The following CCDC3 variants were observed in gnomAD, a reference collection of about 807,000 sequenced individuals.
CCDC3 encodes coiled-coil domain containing 3, also known as coiled-coil domain-containing protein 3.
In CCDC3, 24 loss-of-function variants were observed where a neutral mutation model predicts 21.4. That is an observed-to-expected ratio of 1.12 (90% CI 0.81 to 1.58). The LOEUF (loss-of-function observed/expected upper bound fraction) is 1.58. CCDC3 is among the 40% of genes most tolerant of loss of function. The pLI, the probability that CCDC3 is intolerant of heterozygous loss-of-function variation, is 0.00. For missense variants in CCDC3, 425 were observed against 360.9 expected (o/e 1.18, Z -1.44); for synonymous variants, 186 against 166.0 (o/e 1.12, Z -0.93).
chr10:12,919,584 T>A (rs1238455401), intron 2 of CCDC3, among the ~76,000 whole-genome samples: 1 of 48,990 alleles, frequency 2.0e-5, no homozygotes, highest in Non-Finnish European at 4.1e-5. Context: ...AGCAAGACTG[T>A]CTAAAAAAAA....
At chr10:12,995,653 A>C (rs1262189016) in intron 2 of CCDC3, among the ~76,000 whole-genome samples, 1 of 152,180 alleles carries the variant, frequency 6.6e-6, no homozygotes. Context: ...AGATTGAACT[A>C]AATTCTGCTC....
chr10:12,918,823 G>A (rs1480866711), intron 2 of CCDC3, among the ~76,000 whole-genome samples: 1 of 152,132 alleles, frequency 6.6e-6, no homozygotes, highest in Non-Finnish European at 1.5e-5. Flanking sequence ...GGAGGCCGAG[G>A]CAGGTGGATC....
At chr10:12,986,777 A>C (rs1468251917) in intron 2 of CCDC3, among the ~76,000 whole-genome samples, 2 of 84,610 alleles carry the variant, frequency 2.4e-5, no homozygotes, top group African/African-American at 6.0e-5. Flanking sequence ...CGTCTCAAAA[A>C]AAAAAAACAA....
intron 3 of CCDC3, among the ~76,000 whole-genome samples, chr10:13,082,955 C>A (rs1588419634): frequency 6.6e-6 from 1 of 152,090 alleles, no homozygotes; most frequent in South Asian, 2.1e-4. Context: ...TATGTGTTTT[C>A]TTTATTATAC....
chr10:13,055,118 G>C (rs117249324), intron 4 of CCDC3, among the ~76,000 whole-genome samples: 1 of 152,210 alleles, frequency 6.6e-6, no homozygotes, highest in Non-Finnish European at 1.5e-5. Context: ...TTAATGCCAA[G>C]CAGGTGGTGC....
At chr10:12,963,711 C>A (rs1835215020) in intron 2 of CCDC3, among the ~76,000 whole-genome samples, 1 of 151,308 alleles carries the variant, frequency 6.6e-6, no homozygotes, top group Non-Finnish European at 1.5e-5. Context: ...TCCCATGTAA[C>A]TGGGAATACA....
At chr10:12,990,421 A>T (rs1225632847) in intron 2 of CCDC3, among the ~76,000 whole-genome samples, 1 of 152,234 alleles carries the variant, frequency 6.6e-6, no homozygotes, top group Non-Finnish European at 1.5e-5. Flanking sequence ...TCAAGTTCTG[A>T]GATGAACTAT....
At chr10:13,031,459 T>C (rs1836299658) in intron 5 of CCDC3, among the ~76,000 whole-genome samples, 1 of 152,026 alleles carries the variant, frequency 6.6e-6, no homozygotes. Flanking sequence ...AGCAAATACA[T>C]TCAAAAGCTA....
intron 2 of CCDC3, among the ~76,000 whole-genome samples, chr10:12,929,817 GA>G (rs956478444): frequency 6.6e-6 from 1 of 152,146 alleles, no homozygotes; most frequent in Admixed American, 6.5e-5. Context: ...GGGGCGGGGG[GA>G]TGATCAAACA....
chr10:12,913,023 G>A (rs754036653), intron 2 of CCDC3, among the ~76,000 whole-genome samples: 15 of 152,170 alleles, frequency 9.9e-5, no homozygotes, highest in Non-Finnish European at 1.6e-4. Flanking sequence ...AGTATATTTT[G>A]AAATCAGGTA....
At chr10:13,044,802 CT>C (rs1226353946) in intron 5 of CCDC3, among the ~76,000 whole-genome samples, 2 of 151,902 alleles carry the variant, frequency 1.3e-5, no homozygotes, top group Non-Finnish European at 2.9e-5. Flanking sequence ...TTTAGAGTAG[CT>C]TTTTTTTCTA....
intron 2 of CCDC3, among the ~76,000 whole-genome samples, chr10:12,986,436 T>G (rs893360472): frequency 2.6e-5 from 4 of 152,198 alleles, no homozygotes; most frequent in Admixed American, 2.6e-4. Context: ...TGCAACTGCC[T>G]GTGAATCTAA....
chr10:13,097,083 G>A (rs1832636521), intron 3 of CCDC3, among the ~76,000 whole-genome samples: 1 of 152,218 alleles, frequency 6.6e-6, no homozygotes, highest in Non-Finnish European at 1.5e-5. Context: ...GGAGATTGGG[G>A]TGGAAAGGGA....
chr10:12,960,355 T>C (rs1445883068), intron 2 of CCDC3, among the ~76,000 whole-genome samples: 4 of 152,114 alleles, frequency 2.6e-5, no homozygotes, highest in African/African-American at 9.7e-5. Flanking sequence ...TTGGGAGAGA[T>C]GGGGAGAAAA....
intron 3 of CCDC3, among the ~76,000 whole-genome samples, chr10:13,096,462 G>A (rs989281509): frequency 9.9e-5 from 15 of 152,090 alleles, no homozygotes; most frequent in African/African-American, 2.9e-4. Flanking sequence ...GTGAGCCACC[G>A]CCCTGGGCCT....
At chr10:13,048,266 A>C (rs1042978314) in intron 5 of CCDC3, among the ~76,000 whole-genome samples, 9 of 151,968 alleles carry the variant, frequency 5.9e-5, no homozygotes, top group African/African-American at 1.5e-4. Context: ...ATCTCAGCTC[A>C]CTGCAGCCTC....
intron 2 of CCDC3, among the ~76,000 whole-genome samples, chr10:12,912,925 G>A (rs1437392932): frequency 3.3e-5 from 5 of 152,138 alleles, no homozygotes; most frequent in Non-Finnish European, 7.4e-5. Flanking sequence ...CATACACATG[G>A]ATTTATTTCT....
At chr10:13,019,257 G>GAAAT (rs1302826448) in intron 5 of CCDC3, among the ~76,000 whole-genome samples, 4 of 152,054 alleles carry the variant, frequency 2.6e-5, no homozygotes, top group Admixed American at 2.6e-4. Flanking sequence ...AAGAAAGAAA[G>GAAAT]AAAAATGAAT....
chr10:13,054,164 A>AAAAAAAAG (rs1219544848), intron 4 of CCDC3, among the ~76,000 whole-genome samples: 13 of 151,466 alleles, frequency 8.6e-5, no homozygotes, highest in African/African-American at 3.1e-4. Context: ...CAAAAAAAAA[A>AAAAAAAAG]AAAAAAAAAG....
Sources: allele counts gnomAD v4.1 joint callset (sites outside exome capture counted in the v4.1 genomes callset), GRCh38; gene constraint gnomAD v4.1.1; transcripts MANE v1.5; gene names NCBI Gene and HGNC (gene_info 2026-07-23, HGNC 2026-07-21).